NOC3L: variants seen among roughly 807,000 people sequenced by gnomAD.
The protein encoded by NOC3L is NOC3 like DNA replication regulator, also known as nucleolar complex protein 3 homolog.
NOC3L carries 85 observed loss-of-function variants against 102.5 expected under a neutral mutation model. That is an observed-to-expected ratio of 0.83 (90% CI 0.70 to 0.99). The LOEUF (loss-of-function observed/expected upper bound fraction) is 0.99, where lower values mean the gene tolerates loss of function less well. Among genes scored for constraint, NOC3L ranks in the 50% least tolerant of loss-of-function variants. The pLI, the probability that NOC3L is intolerant of heterozygous loss-of-function variation, is 0.00. For missense variants in NOC3L, 878 were observed against 914.9 expected (o/e 0.96, Z 0.52); for synonymous variants, 303 against 309.4 (o/e 0.98, Z 0.22).
the NOC3L span, among the ~76,000 whole-genome samples, chr10:94,321,354 C>T: frequency 5.3e-5 from 8 of 152,226 alleles, no homozygotes; most frequent in African/African-American, 9.6e-5. Flanking sequence ...CACAGCTAGG[C>T]GGGGCACAGT....
chr10:94,346,204 A>G (rs2054341163), intron 11 of NOC3L, among the ~76,000 whole-genome samples: 1 of 152,216 alleles, frequency 6.6e-6, no homozygotes, highest in African/African-American at 2.4e-5. Context: ...TGGCAAAAAT[A>G]TCTTTTCATC....
the NOC3L span, among the ~76,000 whole-genome samples, chr10:94,325,910 C>A: frequency 6.6e-6 from 1 of 152,152 alleles, no homozygotes; most frequent in Non-Finnish European, 1.5e-5. Flanking sequence ...AAATAAAAAT[C>A]TGGCATCCGG....
downstream of NOC3L, chr10:94,330,957 G>A (rs781056690): frequency 1.3e-5 from 2 of 152,156 alleles, no homozygotes; most frequent in Non-Finnish European, 2.9e-5. Context: ...GCAAGTTGGG[G>A]TCATTACAAA....
chr10:94,347,612 T>G (rs11187898), intron 10 of NOC3L, among the ~76,000 whole-genome samples: 4,136 of 152,184 alleles, frequency 0.027, 190 homozygotes, highest in African/African-American at 0.091. Context: ...TAAAAAGGAA[T>G]CTGATGCCAA....
At chr10:94,347,272 G>A (rs764852646) in intron 10 of NOC3L, among the ~76,000 whole-genome samples, 25 of 152,066 alleles carry the variant, frequency 1.6e-4, no homozygotes, top group South Asian at 2.1e-4. Context: ...GGGATTACAC[G>A]GCTAAAAGCA....
the NOC3L span, among the ~76,000 whole-genome samples, chr10:94,323,397 T>C: frequency 3.9e-5 from 6 of 152,248 alleles, no homozygotes; most frequent in Non-Finnish European, 7.3e-5. Context: ...CTCAGATCTG[T>C]GCCTTAGTTA....
the NOC3L span, among the ~76,000 whole-genome samples, chr10:94,319,931 G>A: frequency 9.9e-4 from 143 of 144,744 alleles, 3 homozygotes; most frequent in South Asian, 0.027. Context: ...GTGCAGTGGC[G>A]CGATCTCAGC....
At position 94,355,007 on chromosome 10, in the gene NOC3L, T is replaced by C. The variant is rs776056173; in HGVS notation, c.652A>G (p.Ile218Val). The stretch of plus-strand genomic sequence containing the variant: ...AATATGGCAGATGCCAAGGCTGCAA[T>C]ATGCATCTTCTTCTCCTGTAATTTC... Reference protein sequence around the residue: ...KKKLQEKKMHIAALASAILSD... With the variant: ...KKKLQEKKMHVAALASAILSD... The change falls in exon 6 of 21, where the codon ATT (isoleucine) becomes GTT (valine). Residue 218 changes from isoleucine (I) to valine (V), a missense_variant. Physicochemically the swap from Ile to Val is conservative, Grantham distance 29 (BLOSUM62 3). Coordinates refer to ENST00000371361, the MANE Select transcript of NOC3L (RefSeq NM_022451.11). 4 of 1,613,378 alleles carry C rather than the reference T, an allele frequency of 2.5e-6. No homozygotes were observed. Among genetic ancestry groups the C allele is most frequent in the Non-Finnish European group, 3.4e-6 (4 of 1,179,754 alleles).
Position 94,358,187 on chromosome 10 carries a change from TTCC to T in NOC3L, c.243_245del (p.Glu85del), listed in dbSNP as rs2054510262. 1 of 1,585,268 alleles carries T rather than the reference TTCC, an allele frequency of 6.3e-7. No homozygotes were observed. The highest frequency in any genetic ancestry group is 1.3e-5 in the African/African-American group (1 of 74,560). ...TATCTAAAGGAAGGGCTTCTTCTTC[TTCC>T]TCTTCTTCCCTCTCAATCCTTTTAC... On this transcript the variant is annotated inframe_deletion, in exon 3 of 21. Transcript: ENST00000371361.
intron 11 of NOC3L, among the ~76,000 whole-genome samples, chr10:94,345,970 A>T (rs1199530009): frequency 6.6e-6 from 1 of 152,170 alleles, no homozygotes; most frequent in Non-Finnish European, 1.5e-5. Flanking sequence ...CGTTTATCAA[A>T]AAATAAATAA....
Position 94,334,737 on chromosome 10 carries a change from A to C in NOC3L, c.2190-19T>G, listed in dbSNP as rs762726618. On this transcript the variant is annotated intron_variant, in intron 19 of 20. Coordinates refer to ENST00000371361, the MANE Select transcript of NOC3L (RefSeq NM_022451.11). ...AGCAGATCTAAATCACAAACACAAA[A>C]AATGTAAAGATACCACCACATCTGT... The C allele has an allele frequency of 9.7e-6, 15 of 1,548,458 alleles. No individual in the cohort carries two copies. Among genetic ancestry groups the C allele is most frequent in the Middle Eastern group, 1.7e-4 (1 of 5,932 alleles).
intron 14 of NOC3L, 78 bp from the exon 15 acceptor site, chr10:94,340,574 C>CT (rs2054271378): frequency 8.0e-7 from 1 of 1,256,460 alleles, no homozygotes; most frequent in Admixed American, 2.0e-5. Flanking sequence ...TAAAAAAGAA[C>CT]TTTAAGGCCA....
chr10:94,344,716 C>A (rs1214277208), intron 12 of NOC3L, 137 bp downstream of exon 12: 2 of 707,898 alleles, frequency 2.8e-6, no homozygotes, highest in African/African-American at 1.8e-5. Context: ...ATCACAGTTT[C>A]CCGCACATCA....
chr10:94,344,117 T>C (rs1051986871), intron 13 of NOC3L, among the ~76,000 whole-genome samples: 3 of 152,184 alleles, frequency 2.0e-5, no homozygotes, highest in Admixed American at 6.5e-5. Flanking sequence ...ACTATGACGA[T>C]GGGCAATTGA....
chr10:94,335,165 C>A (rs1367429966), intron 19 of NOC3L, among the ~76,000 whole-genome samples: 1 of 152,146 alleles, frequency 6.6e-6, no homozygotes, highest in African/African-American at 2.4e-5. Context: ...CATGTCTATA[C>A]CCATGGCGTG....
At chr10:94,343,482 T>C (rs2054309181) in intron 13 of NOC3L, among the ~76,000 whole-genome samples, 1 of 152,258 alleles carries the variant, frequency 6.6e-6, no homozygotes, top group Admixed American at 6.5e-5. Flanking sequence ...CGTATCACCA[T>C]ATAAGGAAAT....
chr10:94,350,363 T>C, intron 8 of NOC3L, 75 bp from the exon 9 acceptor site: 2 of 1,313,204 alleles, frequency 1.5e-6, no homozygotes, highest in South Asian at 2.4e-5. Flanking sequence ...TTACAATCAA[T>C]GTACATTTTA....
At chr10:94,361,449 C>G (rs1350367682) in intron 2 of NOC3L, 4 of 519,698 alleles carry the variant, frequency 7.7e-6, no homozygotes. Flanking sequence ...AAACTAAAAG[C>G]AGAAGCTTGA....
the NOC3L span, among the ~76,000 whole-genome samples, chr10:94,326,321 T>G: frequency 0.31 from 46,740 of 152,088 alleles, 7,503 homozygotes; most frequent in Middle Eastern, 0.48. Context: ...AGCCAAATTT[T>G]ACTTAAAACA....
Sources: allele counts gnomAD v4.1 joint callset (sites outside exome capture counted in the v4.1 genomes callset), GRCh38; gene constraint gnomAD v4.1.1; transcripts MANE v1.5; gene names NCBI Gene and HGNC (gene_info 2026-07-23, HGNC 2026-07-21).